ATXN1: variants seen among roughly 807,000 people sequenced by gnomAD.
ATXN1 encodes ataxin 1.
A neutral mutation model predicts 56.4 loss-of-function variants in ATXN1; 8 were observed. That is an observed-to-expected ratio of 0.14 (90% CI 0.08 to 0.26). The LOEUF is 0.26. Among genes scored for constraint, ATXN1 ranks in the 10% least tolerant of loss-of-function variants. The probability of loss-of-function intolerance (pLI) is 1.00; values close to 1 mark genes in which losing one functional copy is unlikely to be tolerated. For synonymous variants in ATXN1, 514 were observed against 494.6 expected (o/e 1.04, Z -0.52); for missense variants, 987 against 1,106.5 (o/e 0.89, Z 1.53).
At chr6:16,569,634 C>T (rs532104860) in intron 4 of ATXN1, among the ~76,000 whole-genome samples, 3 of 151,120 alleles carry the variant, frequency 2.0e-5, no homozygotes, top group Non-Finnish European at 2.9e-5. Context: ...GGCCAAATCT[C>T]GGGTGGGGCT....
intron 6 of ATXN1, among the ~76,000 whole-genome samples, chr6:16,474,835 TACACACACAC>T (rs80085771): frequency 6.8e-6 from 1 of 146,904 alleles, no homozygotes. Flanking sequence ...TGTGTGTGCA[TACACACACAC>T]ACACACACAC....
intron 6 of ATXN1, among the ~76,000 whole-genome samples, chr6:16,389,261 C>T (rs527532063): frequency 1.7e-3 from 245 of 148,256 alleles, no homozygotes; most frequent in Admixed American, 2.5e-3. Flanking sequence ...CGCTTGAACC[C>T]GGGAGGCGGA....
At chr6:16,504,408 A>G (rs192699372) in intron 5 of ATXN1, among the ~76,000 whole-genome samples, 1 of 152,278 alleles carries the variant, frequency 6.6e-6, no homozygotes, top group African/African-American at 2.4e-5. Context: ...TTCTGAACTC[A>G]GGACTTATTT....
intron 2 of ATXN1, among the ~76,000 whole-genome samples, chr6:16,726,092 G>C (rs1759842385): frequency 1.3e-5 from 2 of 152,242 alleles, no homozygotes; most frequent in African/African-American, 4.8e-5. Context: ...TAAGAGGGAG[G>C]GGTTCCAGCC....
intron 6 of ATXN1, among the ~76,000 whole-genome samples, chr6:16,394,685 T>A (rs1758417917): frequency 6.6e-6 from 1 of 152,188 alleles, no homozygotes; most frequent in Non-Finnish European, 1.5e-5. Context: ...AAAAGTTGAA[T>A]ACTAGCTCCA....
At chr6:16,329,554 C>T (rs1581693873) in intron 6 of ATXN1, among the ~76,000 whole-genome samples, 2 of 152,084 alleles carry the variant, frequency 1.3e-5, no homozygotes, top group Non-Finnish European at 2.9e-5. Context: ...GTTAAAAAAC[C>T]CAAATACCAT....
chr6:16,357,797 G>A (rs1308876518), intron 6 of ATXN1, among the ~76,000 whole-genome samples: 1 of 152,202 alleles, frequency 6.6e-6, no homozygotes, highest in African/African-American at 2.4e-5. Flanking sequence ...AACCAAAGGA[G>A]TGGGAGCTCT....
rs1365529365 is a variant in ATXN1 at position 16,761,287 on chromosome 6, T to A, written c.-730+11A>T. Reference sequence around the variant, plus strand: ...AAAGAATCGGAGGAGGAAAAAAAAATAGTCACTTACTGTAAAGTGTAAATG... The same window carrying A: ...AAAGAATCGGAGGAGGAAAAAAAAAAAGTCACTTACTGTAAAGTGTAAATG... On this transcript the variant is annotated intron_variant, in intron 1 of 7. Transcript: ENST00000436367. 12 of 442,838 alleles carry A rather than the reference T, an allele frequency of 2.7e-5. No individual in the cohort carries two copies. Among genetic ancestry groups the A allele is most frequent in the Non-Finnish European group, 4.5e-5 (10 of 220,512 alleles). 27.4% of individuals were successfully genotyped at this position (442,838 alleles called of 1,614,324 possible).
chr6:16,459,205 C>T (rs932811294), intron 6 of ATXN1, among the ~76,000 whole-genome samples: 3 of 152,158 alleles, frequency 2.0e-5, no homozygotes, highest in African/African-American at 7.2e-5. Context: ...ATATGGGGAA[C>T]AAGTTACCCA....
At chr6:16,501,142 C>T (rs1023758514) in intron 5 of ATXN1, among the ~76,000 whole-genome samples, 12 of 152,190 alleles carry the variant, frequency 7.9e-5, no homozygotes, top group African/African-American at 2.9e-4. Flanking sequence ...CACATGCATA[C>T]ACACAATCAC....
chr6:16,399,764 G>A (rs942474258), intron 6 of ATXN1, among the ~76,000 whole-genome samples: 3 of 152,098 alleles, frequency 2.0e-5, no homozygotes, highest in South Asian at 2.1e-4. Flanking sequence ...CCCAATGCAC[G>A]GGACACCTCC....
chr6:16,693,462 G>A (rs192521475), intron 2 of ATXN1, among the ~76,000 whole-genome samples: 28 of 152,204 alleles, frequency 1.8e-4, no homozygotes, highest in African/African-American at 4.1e-4. Context: ...GTGAATTATC[G>A]TCATCAACTT....
At chr6:16,311,097 T>C (rs773845394) in intron 7 of ATXN1, among the ~76,000 whole-genome samples, 6 of 152,212 alleles carry the variant, frequency 3.9e-5, no homozygotes, top group Non-Finnish European at 8.8e-5. Flanking sequence ...ATTTTTATAA[T>C]GTGAAGCAAG....
chr6:16,705,725 G>A (rs1390924993), intron 2 of ATXN1, among the ~76,000 whole-genome samples: 1 of 152,262 alleles, frequency 6.6e-6, no homozygotes, highest in East Asian at 1.9e-4. Flanking sequence ...AGAAGCCGCA[G>A]CACACAGACC....
intron 2 of ATXN1, among the ~76,000 whole-genome samples, chr6:16,709,604 C>G (rs1447375213): frequency 6.6e-6 from 1 of 151,784 alleles, no homozygotes; most frequent in Non-Finnish European, 1.5e-5. Context: ...AACTCCAAGC[C>G]CAAAGATTTC....
chr6:16,646,068 A>G (rs1445297603), intron 3 of ATXN1, among the ~76,000 whole-genome samples: 1 of 151,990 alleles, frequency 6.6e-6, no homozygotes, highest in Non-Finnish European at 1.5e-5. Flanking sequence ...AAAAAAAATT[A>G]AAAATGAGCC....
intron 6 of ATXN1, among the ~76,000 whole-genome samples, chr6:16,335,292 G>A (rs907867384): frequency 7.2e-5 from 11 of 152,242 alleles, no homozygotes; most frequent in African/African-American, 2.7e-4. Context: ...GCTCCTGAAG[G>A]GGACTGAAGG....
chr6:16,662,421 C>T (rs1375281436), intron 2 of ATXN1, among the ~76,000 whole-genome samples: 2 of 152,188 alleles, frequency 1.3e-5, no homozygotes, highest in African/African-American at 4.8e-5. Flanking sequence ...CAACCTCTGC[C>T]TCTCAGGTTC....
chr6:16,400,410 T>G (rs1390153107), intron 6 of ATXN1, among the ~76,000 whole-genome samples: 1 of 152,212 alleles, frequency 6.6e-6, no homozygotes, highest in African/African-American at 2.4e-5. Context: ...CGAAAATTCC[T>G]TCTCTTCTGA....
Sources: gnomAD v4.1 joint callset for allele counts (sites outside exome capture counted in the v4.1 genomes callset) on GRCh38, gnomAD v4.1.1 for gene constraint, MANE v1.5 for transcripts, NCBI Gene and HGNC (gene_info 2026-07-23, HGNC 2026-07-21) for gene names.